Variants in GRIP2 observed in about 807,000 individuals in gnomAD.
The protein encoded by GRIP2 is glutamate receptor interacting protein 2, also known as glutamate receptor-interacting protein 2.
Under a neutral mutation model 108.3 loss-of-function variants are expected in GRIP2, and 58 were observed. The ratio of observed to expected loss-of-function variants is 0.54; its 90% CI spans 0.43 to 0.67. The LOEUF is 0.67. GRIP2 is among the 30% of genes least tolerant of loss of function. GRIP2 has a pLI of 0.00. For missense variants in GRIP2, 1,278 were observed against 1,430.6 expected, an observed-to-expected ratio of 0.89 and a Z score of 1.72; for synonymous variants, 586 against 598.2, an observed-to-expected ratio of 0.98 and a Z score of 0.30.
At position 14,553,200 on chromosome 3, in the gene GRIP2, C is replaced by T. The variant is rs540491063; in HGVS notation, c.55+2700G>A. Among the ~76,000 whole-genome samples, 10 of 151,448 alleles carry T rather than the reference C, an allele frequency of 6.6e-5. No homozygotes were observed. The East Asian group carries it at 1.6e-3, about 24-fold the overall frequency. On this transcript the variant is annotated intron_variant, in intron 1 of 23. Coordinates refer to the GRIP2 transcript ENST00000637182. ...TTGATTCACTACAACCTGTGCCTCC[C>T]TGGTCCAAGCTATTCTCCTGCCTCA...
chr3:14,517,494 CTTTTTTT>C (rs146509076), intron 10 of GRIP2, among the ~76,000 whole-genome samples: 11 of 107,762 alleles, frequency 1.0e-4, no homozygotes, highest in Non-Finnish European at 1.6e-4. Flanking sequence ...ATCTCTCTCT[CTTTTTTT>C]TTTTTTTTTT....
At chr3:14,553,130 C>T (rs1695179576) in intron 1 of GRIP2, among the ~76,000 whole-genome samples, 1 of 138,256 alleles carries the variant, frequency 7.2e-6, no homozygotes, top group South Asian at 2.3e-4. Flanking sequence ...TTTTCAGAGA[C>T]GGAGTCTCGC....
At chr3:14,574,202 G>C in the GRIP2 span, 1 of 874,636 alleles carries the variant, frequency 1.1e-6, no homozygotes, top group Non-Finnish European at 2.0e-6. Context: ...AGTGGGTGAA[G>C]AAGGGCCTGT....
chr3:14,520,777 C>G, intron 7 of GRIP2: 1 of 546,624 alleles, frequency 1.8e-6, no homozygotes, highest in Non-Finnish European at 3.3e-6. Context: ...GCTGTGATCC[C>G]AGGGCTTTGC....
At position 14,512,705 on chromosome 3, in the gene GRIP2, A is replaced by G; in HGVS notation, c.1720+72T>C. On this transcript the variant is annotated intron_variant, in intron 14 of 23. Coordinates refer to ENST00000621039, the MANE Select transcript of GRIP2 (RefSeq NM_001080423.4). This position sits in a 1 kb window ranked among gnomAD's most constrained non-coding sequence, Gnocchi z 5.1. Reference sequence around the variant, plus strand: ...GTCACGCCATGGAAATGCTGGTCTGAGCTTGGCAAGCTCTTTTTCCCCAGC... The same window carrying G: ...GTCACGCCATGGAAATGCTGGTCTGGGCTTGGCAAGCTCTTTTTCCCCAGC... 6.9e-7 allele frequency: 1 copy of G among 1,439,108 alleles called. No individual in the cohort carries two copies. The highest frequency in any genetic ancestry group is 1.2e-5 in the South Asian group (1 of 84,468). The allele number at this position is 1,439,108 out of a possible 1,614,324, so 89.1% of individuals were successfully genotyped here.
At position 14,503,679 on chromosome 3, in the gene GRIP2, G is replaced by A. The variant is rs764546585; in HGVS notation, c.2574-8C>T. On this transcript the variant is annotated splice_region_variant and splice_polypyrimidine_tract_variant and intron_variant, in intron 20 of 23. Transcript: ENST00000621039. Reference sequence around the variant, plus strand: ...GCAGGGCCAGGGGCTGGGCTGTAACGTAGGAACCAGAGAGCGTCAACTCCT... The same window carrying A: ...GCAGGGCCAGGGGCTGGGCTGTAACATAGGAACCAGAGAGCGTCAACTCCT... The A allele has an allele frequency of 1.7e-5, 18 of 1,081,134 alleles. 1 individual carries two copies. In the Middle Eastern group the frequency reaches 6.9e-4, roughly 41 times the overall value. The allele number at this position is 1,081,134 out of a possible 1,614,324, so 67.0% of individuals were successfully genotyped here.
chr3:14,592,750 T>C, the GRIP2 span, among the ~76,000 whole-genome samples: 1 of 152,278 alleles, frequency 6.6e-6, no homozygotes, highest in East Asian at 1.9e-4. Flanking sequence ...CATTTCCCCA[T>C]CTGCAGTCTA....
chr3:14,530,544 A>G (rs1694683060), intron 1 of GRIP2, among the ~76,000 whole-genome samples: 5 of 152,200 alleles, frequency 3.3e-5, no homozygotes, highest in Admixed American at 3.3e-4. Context: ...TCTCCTAAGA[A>G]CACTGTGTAC....
Position 14,492,441 on chromosome 3 carries a change from C to G in GRIP2, c.*1224G>C, listed in dbSNP as rs1319241300. The G allele has an allele frequency of 6.6e-6, 1 of 152,296 alleles. No homozygotes were observed. The highest frequency in any genetic ancestry group is 2.4e-5 in the African/African-American group (1 of 41,454). 9.4% of individuals were successfully genotyped at this position (152,296 alleles called of 1,614,324 possible). Reference sequence around the variant, plus strand: ...ACCACCAGGGGAGGCCCACACCCTTCTCAAAATGAAGAGGGTCTCTGATTT... The same window carrying G: ...ACCACCAGGGGAGGCCCACACCCTTGTCAAAATGAAGAGGGTCTCTGATTT... On this transcript the variant is annotated 3_prime_UTR_variant, in exon 24 of 24. Coordinates refer to ENST00000621039, the MANE Select transcript of GRIP2 (RefSeq NM_001080423.4).
At chr3:14,560,489 C>T (rs984007421), upstream of GRIP2, among the ~76,000 whole-genome samples, 1 of 152,108 alleles carries the variant, frequency 6.6e-6, no homozygotes, top group Admixed American at 6.5e-5. Context: ...GTAGCCTATC[C>T]CAATCCCCAG....
chr3:14,541,780 TG>T, upstream of GRIP2: 1 of 847,612 alleles, frequency 1.2e-6, no homozygotes, highest in Non-Finnish European at 1.7e-6. Flanking sequence ...AGCCACAGGG[TG>T]GGTGGTGAGG....
At chr3:14,533,798 C>A (rs571283521) in intron 1 of GRIP2, among the ~76,000 whole-genome samples, 14 of 152,346 alleles carry the variant, frequency 9.2e-5, no homozygotes, top group African/African-American at 3.4e-4. Flanking sequence ...GGTCTCAACA[C>A]CGAGTGGCTG....
chr3:14,535,960 A>G lies in GRIP2; in HGVS notation c.40+4309T>C, dbSNP rs191107356. On this transcript the variant is annotated intron_variant, in intron 1 of 23. Transcript: ENST00000621039. ...ATGGAGATGCCTCAAAGCCAGTTAC[A>G]GGCTGACCTCTGAATGACAGTTCCA... Among the ~76,000 whole-genome samples the G allele has an allele frequency of 2.3e-3, 354 of 152,350 alleles. 2 individuals carry two copies. The highest frequency in any genetic ancestry group is 8.2e-3 in the African/African-American group (340 of 41,580).
the GRIP2 span, chr3:14,574,051 G>T: frequency 1.3e-6 from 2 of 1,504,310 alleles, no homozygotes; most frequent in East Asian, 2.3e-5. Flanking sequence ...AAGTTCTCCT[G>T]CTGCACGTAC....
chr3:14,517,652 C>T (rs1694291596), intron 10 of GRIP2, 120 bp downstream of exon 10: 12 of 1,326,494 alleles, frequency 9.0e-6, no homozygotes, highest in Non-Finnish European at 1.3e-5. Flanking sequence ...CAGGCGTGCA[C>T]CACCACACCC....
the GRIP2 span, chr3:14,573,229 G>A: frequency 7.1e-7 from 1 of 1,403,976 alleles, no homozygotes; most frequent in Admixed American, 1.8e-5. Context: ...TCCATGAAGA[G>A]GCAGGCCAGG....
the GRIP2 span, among the ~76,000 whole-genome samples, chr3:14,571,521 A>G: frequency 6.6e-6 from 1 of 152,184 alleles, no homozygotes; most frequent in Admixed American, 6.5e-5. Flanking sequence ...GGGCACAGAC[A>G]AGATCTCAGC....
rs1373965452 is a variant in GRIP2, at chr3:14,490,093, CTCTT to C, written c.*3568_*3571del. 1 of 152,008 alleles carries C rather than the reference CTCTT, an allele frequency of 6.6e-6. No homozygotes were observed. Among genetic ancestry groups the C allele is most frequent in the East Asian group, 1.9e-4 (1 of 5,144 alleles). 9.4% of individuals were successfully genotyped at this position (152,008 alleles called of 1,614,324 possible). On this transcript the variant is annotated 3_prime_UTR_variant, in exon 24 of 24. Transcript: ENST00000621039. ...AGACCACCCTACCCCCATTTTCTGG[CTCTT>C]TCTGACAGCCTATGCCTACCTGCCT...
chr3:14,575,523 G>A, the GRIP2 span, among the ~76,000 whole-genome samples: 1 of 152,222 alleles, frequency 6.6e-6, no homozygotes, highest in Non-Finnish European at 1.5e-5. Flanking sequence ...CGGTCCACAG[G>A]CCACCCTCTG....
Sources: allele counts gnomAD v4.1 joint callset (sites outside exome capture counted in the v4.1 genomes callset), GRCh38; gene constraint gnomAD v4.1.1; non-coding constraint Gnocchi (gnomAD v3.1); transcripts MANE v1.5; gene names NCBI Gene and HGNC (gene_info 2026-07-23, HGNC 2026-07-21).